Variants in FXR1 observed in about 807,000 individuals in gnomAD.
The protein encoded by FXR1 is FMR1 autosomal homolog 1.
A neutral mutation model predicts 84.0 loss-of-function variants in FXR1; 15 were observed. The ratio of observed to expected loss-of-function variants is 0.18; its 90% CI spans 0.12 to 0.27. The LOEUF (loss-of-function observed/expected upper bound fraction) is 0.27, where lower values mean the gene tolerates loss of function less well. Ranked by LOEUF, FXR1 falls within the 10% of genes least tolerant of loss-of-function variation. FXR1 has a pLI of 1.00. For missense variants in FXR1, 480 were observed against 774.4 expected (o/e 0.62, Z 4.51); for synonymous variants, 245 against 250.7 (o/e 0.98, Z 0.21).
chr3:180,953,619 A>G (rs756046109), intron 8 of FXR1, 143 bp from the exon 9 acceptor site: 11 of 511,080 alleles, frequency 2.2e-5, no homozygotes, highest in Non-Finnish European at 3.5e-5. Context: ...TTCACCTGAA[A>G]TCTCTCCCCA....
At chr3:180,936,770 A>T (rs771284634) in intron 3 of FXR1, among the ~76,000 whole-genome samples, 6 of 152,224 alleles carry the variant, frequency 3.9e-5, no homozygotes, top group Non-Finnish European at 8.8e-5. Flanking sequence ...CATAATTTAT[A>T]CTTTGCTTTA....
chr3:180,967,964 A>T, intron 13 of FXR1, 87 bp from the exon 14 acceptor site: 2 of 858,300 alleles, frequency 2.3e-6, no homozygotes, highest in Non-Finnish European at 3.9e-6. Context: ...TTGCTTATTT[A>T]AACAATAATT....
At chr3:180,970,414 ATATAT>A in intron 15 of FXR1, 56 bp downstream of exon 15, 1 of 292,858 alleles carries the variant, frequency 3.4e-6, no homozygotes. Context: ...ATATATATAT[ATATAT>A]ATAATTGTAA....
chr3:180,962,799 T>TA (rs2108484528), intron 11 of FXR1, 84 bp from the exon 12 acceptor site: 1 of 856,960 alleles, frequency 1.2e-6, no homozygotes, highest in African/African-American at 1.7e-5. Context: ...ACAGCTTTGA[T>TA]AGGGAGTACA....
In FXR1 at chr3:180,981,653, T is replaced by G. The variant is rs1714615831; in HGVS notation, c.*5361T>G. The G allele has an allele frequency of 6.6e-6, 1 of 152,036 alleles. No homozygotes were observed. Among genetic ancestry groups the G allele is most frequent in the African/African-American group, 2.4e-5 (1 of 41,416 alleles). The allele number at this position is 152,036 out of a possible 1,614,324, so 9.4% of individuals were successfully genotyped here. ...CCCACAAACTTCTAATGAGGACTAA[T>G]ATGAACAGCAAATTGGAGAAGACAC... On this transcript the variant is annotated 3_prime_UTR_variant, in exon 17 of 17. Transcript: ENST00000357559.
At position 180,948,702 on chromosome 3, in the gene FXR1, TAA is replaced by T. The variant is rs140307845; in HGVS notation, c.420-17_420-16del. The T allele has an allele frequency of 0.011, 14,809 of 1,299,818 alleles. 222 individuals are homozygous for T. Among genetic ancestry groups the T allele is most frequent in the African/African-American group, 0.07 (4,790 of 68,818 alleles). The allele number at this position is 1,299,818 out of a possible 1,614,324, so 80.5% of individuals were successfully genotyped here. On this transcript the variant is annotated splice_polypyrimidine_tract_variant and intron_variant, in intron 5 of 16. Transcript: ENST00000357559. ...TAATCTGTTATTGAGTTCTTACACA[TAA>T]ATTGATTTCTCTCTAGGTGTGCTAA...
chr3:180,933,164 A>G (rs1720133265), intron 1 of FXR1, 170 bp from the exon 2 acceptor site: 4 of 564,454 alleles, frequency 7.1e-6, no homozygotes, highest in Non-Finnish European at 1.2e-5. Flanking sequence ...TAAGTAACTT[A>G]AAAGATCATG....
chr3:180,970,385 T>TAA (rs766272710), intron 15 of FXR1, 27 bp downstream of exon 15: 11 of 43,702 alleles, frequency 2.5e-4, no homozygotes, highest in African/African-American at 1.2e-3. Context: ...GGAAGAGAAA[T>TAA]ATATATATAT....
chr3:180,967,199 C>G (rs1380521961), intron 13 of FXR1, among the ~76,000 whole-genome samples: 1 of 151,836 alleles, frequency 6.6e-6, no homozygotes, highest in Non-Finnish European at 1.5e-5. Flanking sequence ...GTAAGAAAAG[C>G]AAAAAGTAAA....
chr3:180,915,014 C>T (rs1455896259), intron 1 of FXR1: 4 of 710,622 alleles, frequency 5.6e-6, no homozygotes, highest in Non-Finnish European at 6.9e-6. Flanking sequence ...TTCACCTTAC[C>T]ATTATCTAAC....
chr3:180,915,407 T>TA, intron 1 of FXR1: 2 of 774,688 alleles, frequency 2.6e-6, no homozygotes, highest in Non-Finnish European at 4.1e-6. Context: ...TTCAGAACGT[T>TA]ACGTATATAG....
At chr3:180,943,696 A>G (rs1011584244) in intron 3 of FXR1, among the ~76,000 whole-genome samples, 12 of 152,214 alleles carry the variant, frequency 7.9e-5, no homozygotes, top group Admixed American at 3.9e-4. Flanking sequence ...TCAGCATTTC[A>G]TCGTTCAGTG....
chr3:180,934,769 A>G (rs578147852), intron 2 of FXR1, among the ~76,000 whole-genome samples: 4 of 152,304 alleles, frequency 2.6e-5, no homozygotes, highest in Non-Finnish European at 4.4e-5. Flanking sequence ...TGATACCACT[A>G]CTATTTATTG....
At chr3:180,933,711 G>GACT (rs1720197913) in intron 2 of FXR1, among the ~76,000 whole-genome samples, 2 of 152,132 alleles carry the variant, frequency 1.3e-5, no homozygotes, top group South Asian at 4.1e-4. Flanking sequence ...TCTTCCAGTT[G>GACT]ACTACTGGTC....
At chr3:180,963,388 A>G (rs557768212) in intron 13 of FXR1, among the ~76,000 whole-genome samples, 3 of 152,262 alleles carry the variant, frequency 2.0e-5, no homozygotes, top group East Asian at 1.9e-4. Flanking sequence ...TTGTTTTTCA[A>G]ATACTTTACT....
intron 10 of FXR1, among the ~76,000 whole-genome samples, chr3:180,958,864 G>A (rs1183760041): frequency 1.3e-5 from 2 of 148,246 alleles, no homozygotes; most frequent in African/African-American, 5.0e-5. Context: ...GTGGAGTGCA[G>A]TGGCATGATC....
chr3:180,963,111 T>A, intron 13 of FXR1, 21 bp downstream of exon 13: 1 of 1,121,880 alleles, frequency 8.9e-7, no homozygotes. Flanking sequence ...ATTTTTTTTT[T>A]TTTTTTTTGG....
chr3:180,943,994 G>A (rs980160323), intron 3 of FXR1, among the ~76,000 whole-genome samples: 3 of 151,774 alleles, frequency 2.0e-5, no homozygotes, highest in Admixed American at 6.6e-5. Flanking sequence ...TCAGCTCACC[G>A]CAGCCTCCGC....
At chr3:180,917,719 T>TG (rs1255483604) in intron 1 of FXR1, among the ~76,000 whole-genome samples, 16 of 151,948 alleles carry the variant, frequency 1.1e-4, no homozygotes, top group Admixed American at 8.5e-4. Flanking sequence ...GGGGCTGAGG[T>TG]GCGTGGATCA....
Sources: allele counts gnomAD v4.1 joint callset (sites outside exome capture counted in the v4.1 genomes callset), GRCh38; gene constraint gnomAD v4.1.1; transcripts MANE v1.5; gene names NCBI Gene and HGNC (gene_info 2026-07-23, HGNC 2026-07-21).